The following ENTPD6 variants were observed in gnomAD, a reference collection of about 807,000 sequenced individuals.
ENTPD6 encodes the protein ectonucleoside triphosphate diphosphohydrolase 6.
Under a neutral mutation model 61.5 loss-of-function variants are expected in ENTPD6, and 46 were observed. The ratio of observed to expected loss-of-function variants is 0.75; its 90% CI spans 0.59 to 0.96. The LOEUF (loss-of-function observed/expected upper bound fraction) is 0.96, where lower values mean the gene tolerates loss of function less well. ENTPD6 is among the 40% of genes least tolerant of loss of function. The probability of loss-of-function intolerance (pLI) is 0.00; values close to 1 mark genes in which losing one functional copy is unlikely to be tolerated. For synonymous variants in ENTPD6, 252 were observed against 255.5 expected (o/e 0.99, Z 0.13); for missense variants, 612 against 629.0 (o/e 0.97, Z 0.29).
Position 25,197,003 on chromosome 20 carries a change from C to T in ENTPD6, c.-16+1136C>T, listed in dbSNP as rs73339015. The T allele has an allele frequency of 1.5e-3, 1,145 of 742,034 alleles. 17 individuals are homozygous for T. In the African/African-American group the frequency reaches 0.021, roughly 14 times the overall value. The allele number at this position is 742,034 out of a possible 1,614,324, so 46.0% of individuals were successfully genotyped here. On this transcript the variant is annotated intron_variant, in intron 1 of 14. Coordinates refer to ENST00000376652, the MANE Select transcript of ENTPD6 (RefSeq NM_001247.5). Reference sequence around the variant, plus strand: ...TAAAGGAAACAGCAGGTGGTGTTGACGGGCGGTTCACGCACCGGTTTTTGC... The same window carrying T: ...TAAAGGAAACAGCAGGTGGTGTTGATGGGCGGTTCACGCACCGGTTTTTGC...
rs1465884682 is a variant in ENTPD6, at chr20:25,225,660, G to T, written c.*63G>T. 1.2e-5 allele frequency: 17 copies of T among 1,390,730 alleles called. No individual in the cohort carries two copies. The highest frequency in any genetic ancestry group is 1.6e-5 in the Non-Finnish European group (16 of 995,078). The allele number at this position is 1,390,730 out of a possible 1,614,324, so 86.1% of individuals were successfully genotyped here. A position where few individuals can be genotyped will look rare whatever the true frequency, so the allele number is the denominator to read the frequency against. ...GTGTCTGCATAAACCCTCCTGTCCTGGACGTGACTTCATCCTGAGGAGCCA... is the reference window on the plus strand; with the variant it reads ...GTGTCTGCATAAACCCTCCTGTCCTTGACGTGACTTCATCCTGAGGAGCCA... On this transcript the variant is annotated 3_prime_UTR_variant, in exon 15 of 15. Transcript: ENST00000376652.
In ENTPD6 at chr20:25,225,605, G is replaced by C. The variant is rs762031283; in HGVS notation, c.*8G>C. ...AAGAGTCCAGCCTCATAGTGGCCGA[G>C]CCATCCCTGTCCCCGTCAGCAGTGT... On this transcript the variant is annotated 3_prime_UTR_variant, in exon 15 of 15. Coordinates refer to ENST00000376652, the MANE Select transcript of ENTPD6 (RefSeq NM_001247.5). 9 of 1,610,930 alleles carry C rather than the reference G, an allele frequency of 5.6e-6. No homozygotes were observed. The Admixed American group carries it at 1.5e-4, about 27-fold the overall frequency.
intron 9 of ENTPD6, 95 bp from the exon 10 acceptor site, chr20:25,218,455 T>TC: frequency 8.7e-7 from 1 of 1,150,494 alleles, no homozygotes. Context: ...TGCTGCAAGC[T>TC]CCCCCTTCCC....
chr20:25,225,400 C>T (rs1568661687), intron 14 of ENTPD6, 83 bp downstream of exon 14: 3 of 1,576,882 alleles, frequency 1.9e-6, no homozygotes, highest in Admixed American at 1.7e-5. Flanking sequence ...GGGGTCATGT[C>T]CCCCAGCCCA....
chr20:25,206,626 G>A (rs746701605), intron 2 of ENTPD6, 36 bp downstream of exon 2: 188 of 1,513,472 alleles, frequency 1.2e-4, no homozygotes, highest in East Asian at 4.7e-4. Context: ...CCCAAGGGAC[G>A]GAGTTTAAAC....
Position 25,217,487 on chromosome 20 carries a change from C to T in ENTPD6, c.799-15C>T, listed in dbSNP as rs1305361840. ...AAGACCAGCAGGAAACATAGTTACC[C>T]TCGTTCTTCTCCAGGGCACCCTGCA... On this transcript the variant is annotated splice_polypyrimidine_tract_variant and intron_variant, in intron 8 of 14. Transcript: ENST00000376652. 3 of 1,612,892 alleles carry T rather than the reference C, an allele frequency of 1.9e-6. No homozygotes were observed. Among genetic ancestry groups the T allele is most frequent in the African/African-American group, 2.7e-5 (2 of 75,016 alleles).
chr20:25,201,772 G>A, intron 1 of ENTPD6, among the ~76,000 whole-genome samples: 1 of 152,212 alleles, frequency 6.6e-6, no homozygotes, highest in East Asian at 1.9e-4. Flanking sequence ...CTAGAATGCA[G>A]TGGTGTAATC....
At chr20:25,203,083 T>G (rs1200318963) in intron 1 of ENTPD6, among the ~76,000 whole-genome samples, 2 of 152,244 alleles carry the variant, frequency 1.3e-5, no homozygotes, top group African/African-American at 4.8e-5. Flanking sequence ...TTGTTTGTTT[T>G]AGCAGTTTGG....
At chr20:25,211,399 C>T (rs1001950418) in intron 4 of ENTPD6, among the ~76,000 whole-genome samples, 19 of 152,196 alleles carry the variant, frequency 1.2e-4, no homozygotes, top group African/African-American at 3.6e-4. Flanking sequence ...CAAATGTCCA[C>T]GCTCCCCAGG....
chr20:25,221,732 G>A (rs771813039), intron 11 of ENTPD6: 13 of 328,140 alleles, frequency 4.0e-5, no homozygotes, highest in Non-Finnish European at 6.0e-5. Context: ...AGGCTATGGA[G>A]CCCGCTGGCC....
intron 3 of ENTPD6, among the ~76,000 whole-genome samples, chr20:25,209,144 C>G (rs1165976970): frequency 6.7e-6 from 1 of 148,712 alleles, no homozygotes; most frequent in Non-Finnish European, 1.5e-5. Context: ...GAGTCTCGCT[C>G]TGTCGCCCAG....
At position 25,224,117 on chromosome 20, in the gene ENTPD6, C is replaced by A; in HGVS notation, c.1203C>A (p.Gly401=). The part of the protein sequence containing the change: ...GVGLIDAEKG[G]SLVVGDFEIA... ...CTCCCACAGATGCGGAGAAGGGAGG[C>A]AGCCTGGTGGTGGGGGACTTCGAGA... is the stretch of plus-strand genomic sequence containing the variant. Residue 401 remains glycine, a synonymous_variant, in exon 13 of 15, where the codon GGC becomes GGA. Coordinates refer to ENST00000376652, the MANE Select transcript of ENTPD6 (RefSeq NM_001247.5). The A allele has an allele frequency of 6.2e-7, 1 of 1,612,356 alleles. No homozygotes were observed.
At chr20:25,225,037 G>T in intron 13 of ENTPD6, 168 bp from the exon 14 acceptor site, 2 of 1,089,506 alleles carry the variant, frequency 1.8e-6, no homozygotes, top group Non-Finnish European at 2.6e-6. Context: ...CCGCCCACCT[G>T]CCTGTGCTGT....
intron 10 of ENTPD6, 97 bp from the exon 11 acceptor site, chr20:25,221,135 C>A: frequency 1.1e-6 from 1 of 880,336 alleles, no homozygotes; most frequent in Non-Finnish European, 1.8e-6. Context: ...CTTCCCCCAT[C>A]CTGTGTCAAG....
At chr20:25,209,374 T>C (rs1415840358) in intron 3 of ENTPD6, among the ~76,000 whole-genome samples, 1 of 151,740 alleles carries the variant, frequency 6.6e-6, no homozygotes, top group Admixed American at 6.6e-5. Flanking sequence ...CCTCCCAAAG[T>C]GCTGGGATTA....
At chr20:25,215,748 C>T (rs1340898723) in intron 7 of ENTPD6, 37 bp downstream of exon 7, 3 of 1,610,402 alleles carry the variant, frequency 1.9e-6, no homozygotes, top group Non-Finnish European at 2.5e-6. Context: ...TAGCCGATCA[C>T]AGACACCTGC....
chr20:25,216,761 G>A (rs752120433), intron 8 of ENTPD6, 25 bp downstream of exon 8: 184 of 1,542,040 alleles, frequency 1.2e-4, no homozygotes, highest in Middle Eastern at 1.8e-4. Context: ...CGACCACAGC[G>A]CTCTTTCCAC....
chr20:25,219,340 G>C (rs988326194), intron 10 of ENTPD6, among the ~76,000 whole-genome samples: 3 of 152,228 alleles, frequency 2.0e-5, no homozygotes, highest in African/African-American at 7.2e-5. Context: ...GCTGTGGGGG[G>C]TGCTGGGTTC....
chr20:25,220,808 C>T (rs2092604559), intron 10 of ENTPD6, among the ~76,000 whole-genome samples: 1 of 152,208 alleles, frequency 6.6e-6, no homozygotes, highest in African/African-American at 2.4e-5. Flanking sequence ...TTTTGAGCCC[C>T]CAGCTTGTGT....
Sources: gnomAD v4.1 joint callset for allele counts (sites outside exome capture counted in the v4.1 genomes callset) on GRCh38, gnomAD v4.1.1 for gene constraint, MANE v1.5 for transcripts, NCBI Gene and HGNC (gene_info 2026-07-23, HGNC 2026-07-21) for gene names.